The following COMMD1 variants were observed in gnomAD, a reference collection of about 807,000 sequenced individuals.
COMMD1 encodes copper metabolism domain containing 1.
COMMD1 carries 10 observed loss-of-function variants against 17.2 expected under a neutral mutation model. The observed-to-expected ratio is 0.58, with a 90% CI of 0.36 to 0.99. The LOEUF (loss-of-function observed/expected upper bound fraction) is 0.99. Ranked by LOEUF, COMMD1 falls within the 50% of genes least tolerant of loss-of-function variation. The pLI is 0.01. For missense variants in COMMD1, 270 were observed against 231.8 expected, an observed-to-expected ratio of 1.17 and a Z score of -1.07; for synonymous variants, 97 against 91.6, an observed-to-expected ratio of 1.06 and a Z score of -0.34.
chr2:61,932,159 CT>C (rs1670482156), intron 1 of COMMD1, among the ~76,000 whole-genome samples: 1 of 152,236 alleles, frequency 6.6e-6, no homozygotes, highest in Non-Finnish European at 1.5e-5. Context: ...CGCGTCTGGC[CT>C]TTTCTTCCCT....
intron 2 of COMMD1, among the ~76,000 whole-genome samples, chr2:62,082,721 G>A (rs1439428398): frequency 3.3e-5 from 5 of 152,124 alleles, no homozygotes; most frequent in South Asian, 2.1e-4. Context: ...TTAGCTGAGC[G>A]TGGTGGCACG....
intron 2 of COMMD1, among the ~76,000 whole-genome samples, chr2:62,017,159 G>C (rs868549803): frequency 2.9e-4 from 44 of 152,164 alleles, no homozygotes; most frequent in African/African-American, 1.0e-3. Flanking sequence ...AACCTAAGTG[G>C]ATTATAAGTC....
At chr2:61,924,213 G>C (rs1670264610) in intron 1 of COMMD1, among the ~76,000 whole-genome samples, 1 of 152,138 alleles carries the variant, frequency 6.6e-6, no homozygotes, top group African/African-American at 2.4e-5. Context: ...CTTACCTCTG[G>C]TAAGGTTTGA....
chr2:61,977,356 T>C (rs2103741819), intron 1 of COMMD1, among the ~76,000 whole-genome samples: 1 of 147,898 alleles, frequency 6.8e-6, no homozygotes, highest in East Asian at 2.2e-4. Flanking sequence ...GCAATTCTCC[T>C]GCCTCAGCCT....
chr2:61,954,896 A>C (rs1424136817), intron 1 of COMMD1, among the ~76,000 whole-genome samples: 1 of 152,160 alleles, frequency 6.6e-6, no homozygotes, highest in East Asian at 1.9e-4. Flanking sequence ...GCTGGTCTCA[A>C]ACTCCTGACC....
intron 2 of COMMD1, among the ~76,000 whole-genome samples, chr2:62,091,740 C>T (rs889566817): frequency 1.3e-5 from 2 of 152,160 alleles, no homozygotes; most frequent in Admixed American, 1.3e-4. Context: ...GCAGGCCATG[C>T]TATGGCAGTT....
intron 2 of COMMD1, among the ~76,000 whole-genome samples, chr2:62,021,965 G>A (rs1362329668): frequency 1.4e-5 from 2 of 144,086 alleles, no homozygotes; most frequent in Admixed American, 1.4e-4. Flanking sequence ...GCTCTTTGAT[G>A]TACAAAGGTT....
At chr2:62,073,627 G>A (rs80242095) in intron 2 of COMMD1, among the ~76,000 whole-genome samples, 4,234 of 152,260 alleles carry the variant, frequency 0.028, 89 homozygotes, top group East Asian at 0.088. Flanking sequence ...ACTGCCTTGG[G>A]CATACTTTCT....
chr2:61,908,052 CTG>C (rs1282687057), intron 1 of COMMD1, among the ~76,000 whole-genome samples: 1 of 152,012 alleles, frequency 6.6e-6, no homozygotes, highest in East Asian at 1.9e-4. Context: ...TCAAGTGGCT[CTG>C]TGTTGTGGAG....
chr2:61,952,878 G>A (rs867561863), intron 1 of COMMD1, among the ~76,000 whole-genome samples: 1 of 152,200 alleles, frequency 6.6e-6, no homozygotes, highest in South Asian at 2.1e-4. Context: ...AATGGAAAGT[G>A]TATGTTCAAC....
chr2:61,991,514 A>G (rs1221583582), intron 1 of COMMD1, among the ~76,000 whole-genome samples: 3 of 152,240 alleles, frequency 2.0e-5, no homozygotes, highest in South Asian at 2.1e-4. Context: ...ACTTTTTGAC[A>G]TAATTTCATT....
chr2:62,076,833 T>C (rs1671349352), intron 2 of COMMD1, among the ~76,000 whole-genome samples: 1 of 152,022 alleles, frequency 6.6e-6, no homozygotes, highest in African/African-American at 2.4e-5. Flanking sequence ...TTGTTGAGTA[T>C]TTATTAAGAG....
intron 2 of COMMD1, among the ~76,000 whole-genome samples, chr2:62,092,425 G>T (rs1671859110): frequency 6.6e-6 from 1 of 152,190 alleles, no homozygotes; most frequent in Non-Finnish European, 1.5e-5. Context: ...TTGATTTGCA[G>T]GCAGGTGTCA....
intron 1 of COMMD1, among the ~76,000 whole-genome samples, chr2:61,978,027 G>T (rs999988748): frequency 1.8e-4 from 28 of 151,714 alleles, no homozygotes; most frequent in Non-Finnish European, 1.0e-4. Flanking sequence ...AGGCATGGTG[G>T]ATCATTCCAT....
chr2:62,035,291 T>G (rs917119426), intron 2 of COMMD1, among the ~76,000 whole-genome samples: 2 of 152,234 alleles, frequency 1.3e-5, no homozygotes, highest in Non-Finnish European at 2.9e-5. Flanking sequence ...CAATACATAT[T>G]TATTAGGCTA....
At chr2:62,031,982 C>G (rs1303619544) in intron 2 of COMMD1, among the ~76,000 whole-genome samples, 1 of 152,178 alleles carries the variant, frequency 6.6e-6, no homozygotes, top group Non-Finnish European at 1.5e-5. Context: ...CTACATTGGT[C>G]TACCTTGTCT....
intron 2 of COMMD1, among the ~76,000 whole-genome samples, chr2:62,133,416 A>G (rs1033880197): frequency 1.3e-5 from 2 of 152,170 alleles, no homozygotes; most frequent in Admixed American, 6.6e-5. Context: ...GGGACGAAAA[A>G]GTTTTTCTCT....
At chr2:61,916,293 A>T (rs1304746770) in intron 1 of COMMD1, among the ~76,000 whole-genome samples, 1 of 151,998 alleles carries the variant, frequency 6.6e-6, no homozygotes, top group East Asian at 1.9e-4. Flanking sequence ...TTTTTCATTT[A>T]ATCATGTTTT....
At chr2:61,912,990 G>A (rs1669948562) in intron 1 of COMMD1, among the ~76,000 whole-genome samples, 1 of 152,194 alleles carries the variant, frequency 6.6e-6, no homozygotes, top group African/African-American at 2.4e-5. Context: ...AGAACTCAAG[G>A]CTGTAGGGCA....
Sources: gnomAD v4.1 joint callset for allele counts (sites outside exome capture counted in the v4.1 genomes callset) on GRCh38, gnomAD v4.1.1 for gene constraint, MANE v1.5 for transcripts, NCBI Gene and HGNC (gene_info 2026-07-23, HGNC 2026-07-21) for gene names.